Variants in RAI1 observed in about 807,000 individuals in gnomAD.
The protein encoded by RAI1 is retinoic acid-induced protein 1.
A neutral mutation model predicts 123.8 loss-of-function variants in RAI1; 9 were observed. The ratio of observed to expected loss-of-function variants is 0.07; its 90% CI spans 0.04 to 0.13. The LOEUF is 0.13. Among genes scored for constraint, RAI1 ranks in the 10% least tolerant of loss-of-function variants. The pLI is 1.00. For synonymous variants in RAI1, 1,231 were observed against 1,127.3 expected, an observed-to-expected ratio of 1.09 and a Z score of -1.84; for missense variants, 2,256 against 2,545.8, an observed-to-expected ratio of 0.89 and a Z score of 2.45.
chr17:17,805,152 T>G (rs2032570917), intron 4 of RAI1, among the ~76,000 whole-genome samples: 1 of 152,200 alleles, frequency 6.6e-6, no homozygotes, highest in African/African-American at 2.4e-5. Context: ...TGAGCCACTG[T>G]GCCCGGCCCC....
Position 17,720,567 on chromosome 17 carries a change from G to A in RAI1, c.-148-3461G>A, listed in dbSNP as rs971339332. 2.6e-5 allele frequency among the ~76,000 whole-genome samples: 4 copies of A among 152,212 alleles called. 1 individual carries two copies. The highest frequency in any genetic ancestry group is 2.6e-4 in the Admixed American group (4 of 15,286). On this transcript the variant is annotated intron_variant, in intron 1 of 5. Coordinates refer to ENST00000353383, the MANE Select transcript of RAI1 (RefSeq NM_030665.4). ...GAGTAAGCAAGGCTTTGGGGTCCAT[G>A]CACACTTAGGTTTGAATTGTGAGGT...
intron 2 of RAI1, among the ~76,000 whole-genome samples, chr17:17,770,309 GC>G (rs1355908607): frequency 2.6e-5 from 4 of 151,738 alleles, no homozygotes; most frequent in Admixed American, 2.6e-4. Flanking sequence ...GAGCTTAATG[GC>G]CCCGAAAAAA....
intron 1 of RAI1, among the ~76,000 whole-genome samples, chr17:17,709,179 T>G (rs1915485433): frequency 6.6e-6 from 1 of 152,136 alleles, no homozygotes; most frequent in Non-Finnish European, 1.5e-5. Context: ...GGCACTGTGC[T>G]GAGAGACCCC....
chr17:17,731,847 C>T (rs549204275), intron 2 of RAI1, among the ~76,000 whole-genome samples: 1 of 152,300 alleles, frequency 6.6e-6, no homozygotes, highest in South Asian at 2.1e-4. Context: ...AGGGACTGTT[C>T]AGTCTCGGCT....
At chr17:17,695,677 C>T (rs1251721719) in intron 1 of RAI1, among the ~76,000 whole-genome samples, 4 of 152,182 alleles carry the variant, frequency 2.6e-5, no homozygotes, top group African/African-American at 9.7e-5. Flanking sequence ...CAGGCACTTA[C>T]CACGGCTAAT....
chr17:17,758,506 C>CG (rs2030543252), intron 2 of RAI1, among the ~76,000 whole-genome samples: 2 of 152,122 alleles, frequency 1.3e-5, no homozygotes, highest in African/African-American at 4.8e-5. Context: ...AGATGGAGGA[C>CG]AGGAAAAGGC....
At chr17:17,758,138 T>C (rs1251624379) in intron 2 of RAI1, among the ~76,000 whole-genome samples, 1 of 152,204 alleles carries the variant, frequency 6.6e-6, no homozygotes, top group African/African-American at 2.4e-5. Flanking sequence ...TCCGAGCGTT[T>C]TACATAGCAA....
chr17:17,700,410 GC>G (rs1164701573), intron 1 of RAI1, among the ~76,000 whole-genome samples: 1 of 151,732 alleles, frequency 6.6e-6, no homozygotes, highest in Admixed American at 6.6e-5. Context: ...CAGCGGCCGC[GC>G]CCCGCCGCCC....
rs1027378386 is a variant in RAI1, at chr17:17,800,920, C to G, written c.5565+2407C>G. 1.3e-5 allele frequency among the ~76,000 whole-genome samples: 2 copies of G among 152,220 alleles called. No homozygotes were observed. The highest frequency in any genetic ancestry group is 4.8e-5 in the African/African-American group (2 of 41,454). The stretch of plus-strand genomic sequence containing the variant: ...TAGCTCCAGGCGAGTCACGCATGCT[C>G]TGAGAACTCCACAATGTCAAACCCC... On this transcript the variant is annotated intron_variant, in intron 3 of 5. Transcript: ENST00000353383. This position sits in a 1 kb window ranked among gnomAD's most constrained non-coding sequence, Gnocchi z 4.7.
rs3075548 is a variant in RAI1, at chr17:17,776,658, C to CTTTTTTTTT, written c.-16-16256_-16-16248dup. On this transcript the variant is annotated intron_variant, in intron 2 of 5. Transcript: ENST00000353383. ...GGCATGAGCCACCGTGCCTGGCTCACTTTTTTTTTTTTTTTTTTTTTTTTT... is the reference window on the plus strand; with the variant it reads ...GGCATGAGCCACCGTGCCTGGCTCACTTTTTTTTTTTTTTTTTTTTTTTTTTTTTTTTTT... 4.9e-3 allele frequency: 291 copies of CTTTTTTTTT among 59,356 alleles called. 15 individuals are homozygous for CTTTTTTTTT. The highest frequency in any genetic ancestry group is 0.021 in the African/African-American group (277 of 12,924). 3.7% of individuals were successfully genotyped at this position (59,356 alleles called of 1,614,324 possible). A position where few individuals can be genotyped will look rare whatever the true frequency, so the allele number is the denominator to read the frequency against.
intron 1 of RAI1, among the ~76,000 whole-genome samples, chr17:17,717,890 G>T (rs915296760): frequency 6.6e-6 from 1 of 152,174 alleles, no homozygotes; most frequent in African/African-American, 2.4e-5. Context: ...GTCAAGGGGG[G>T]CTTAGACTCG....
chr17:17,737,533 G>T (rs1205270449), intron 2 of RAI1, among the ~76,000 whole-genome samples: 1 of 152,174 alleles, frequency 6.6e-6, no homozygotes, highest in Non-Finnish European at 1.5e-5. Flanking sequence ...CAGCCTCTAG[G>T]CTCACCACAG....
At chr17:17,765,539 G>T (rs965873282) in intron 2 of RAI1, among the ~76,000 whole-genome samples, 1 of 152,256 alleles carries the variant, frequency 6.6e-6, no homozygotes, top group African/African-American at 2.4e-5. Context: ...TACTGTGTGA[G>T]TCACACGGTG....
intron 1 of RAI1, among the ~76,000 whole-genome samples, chr17:17,705,704 C>T (rs960922462): frequency 4.0e-5 from 6 of 150,314 alleles, no homozygotes; most frequent in East Asian, 4.0e-4. Context: ...CTGGCCTGGG[C>T]GACAGTGCAA....
chr17:17,747,753 C>T (rs1233622646), intron 2 of RAI1, among the ~76,000 whole-genome samples: 1 of 152,092 alleles, frequency 6.6e-6, no homozygotes, highest in East Asian at 1.9e-4. Context: ...ATGCAAAAAA[C>T]TTGAAAAGAT....
chr17:17,800,184 C>CTG lies in RAI1; in HGVS notation c.5565+1672_5565+1673insGT, dbSNP rs2032408583. 2.4e-5 allele frequency among the ~76,000 whole-genome samples: 1 copy of CTG among 41,110 alleles called. No homozygotes were observed. Among genetic ancestry groups the CTG allele is most frequent in the Non-Finnish European group, 4.1e-5 (1 of 24,196 alleles). 27.0% of individuals were successfully genotyped at this position (41,110 alleles called of 152,430 possible). On this transcript the variant is annotated intron_variant, in intron 3 of 5. Coordinates refer to ENST00000353383, the MANE Select transcript of RAI1 (RefSeq NM_030665.4). This position sits in a 1 kb window ranked among gnomAD's most constrained non-coding sequence, Gnocchi z 4.7. ...TCCTGCTTTCTGTCTCTCTCTGTCT[C>CTG]TCTCTCTCTCTCTCTCTCTCTCTCT...
Position 17,793,831 on chromosome 17 carries a change from A to G in RAI1, c.883A>G (p.Ser295Gly), listed in dbSNP as rs2032123210. 2 of 1,612,302 alleles carry G rather than the reference A, an allele frequency of 1.2e-6. No individual in the cohort carries two copies. The highest frequency in any genetic ancestry group is 2.2e-5 in the South Asian group (2 of 91,080). The stretch of plus-strand genomic sequence containing the variant: ...GCAGCAGCAGCAGCAAGCCCTTCAG[A>G]GCCGGCACCATGCCCAGGAAACCCT... ...QQQQQQQALQ[S>G]RHHAQETLHY... is the part of the protein sequence containing the mutation. The change falls in exon 3 of 6, where the codon AGC becomes GGC. Residue 295 changes from serine to glycine, a missense_variant. Ser to Gly is a moderately conservative substitution (Grantham distance 56). This residue lies in a region of RAI1 where 357 missense variants were observed against 480.2 expected (regional missense o/e 0.74). Transcript: ENST00000353383.
At chr17:17,781,818 C>G (rs1049050307) in intron 2 of RAI1, among the ~76,000 whole-genome samples, 1 of 152,160 alleles carries the variant, frequency 6.6e-6, no homozygotes, top group Admixed American at 6.5e-5. Context: ...AAATGGGGGG[C>G]GGGGGCAGCG....
At chr17:17,715,486 C>G (rs561085125) in intron 1 of RAI1, among the ~76,000 whole-genome samples, 6 of 152,228 alleles carry the variant, frequency 3.9e-5, no homozygotes, top group Non-Finnish European at 8.8e-5. Flanking sequence ...GCCACCCCCT[C>G]CCATGGTGCA....
Sources: allele counts gnomAD v4.1 joint callset (sites outside exome capture counted in the v4.1 genomes callset), GRCh38; gene constraint gnomAD v4.1.1; regional missense constraint gnomAD v4.1.1; non-coding constraint Gnocchi (gnomAD v3.1); transcripts MANE v1.5; gene names NCBI Gene and HGNC (gene_info 2026-07-23, HGNC 2026-07-21).